Variants in TAGLN2 observed in about 807,000 individuals in gnomAD.
The protein encoded by TAGLN2 is transgelin 2, also known as transgelin-2.
TAGLN2 carries 14 observed loss-of-function variants against 24.9 expected under a neutral mutation model. That is an observed-to-expected ratio of 0.56 (90% CI 0.37 to 0.88). The LOEUF is 0.88. Ranked by LOEUF, TAGLN2 falls within the 40% of genes least tolerant of loss-of-function variation. The pLI is 0.00. For missense variants in TAGLN2, 208 were observed against 258.9 expected (o/e 0.80, Z 1.35); for synonymous variants, 77 against 98.2 (o/e 0.78, Z 1.28).
intron 1 of TAGLN2, among the ~76,000 whole-genome samples, chr1:159,922,613 C>T (rs998521497): frequency 3.3e-5 from 5 of 152,206 alleles, no homozygotes; most frequent in African/African-American, 1.2e-4. Flanking sequence ...CACCAGTAAG[C>T]CCCCTTTCCG....
intron 1 of TAGLN2, chr1:159,923,593 G>T: frequency 9.3e-7 from 1 of 1,079,258 alleles, no homozygotes; most frequent in Non-Finnish European, 1.3e-6. Context: ...TTTGGGACAG[G>T]GAGTGTTCTC....
chr1:159,922,080 A>C (rs1472845935), intron 1 of TAGLN2, among the ~76,000 whole-genome samples: 2 of 152,198 alleles, frequency 1.3e-5, no homozygotes, highest in African/African-American at 4.8e-5. Context: ...TTCAGGGATG[A>C]AGTCACTCCA....
At chr1:159,920,622 T>G in intron 1 of TAGLN2, 85 bp from the exon 2 acceptor site, 2 of 1,511,174 alleles carry the variant, frequency 1.3e-6, no homozygotes, top group Non-Finnish European at 1.8e-6. Context: ...TGCAGGGATA[T>G]ACACCATTTC....
intron 1 of TAGLN2, chr1:159,923,344 C>A: frequency 7.0e-7 from 1 of 1,438,008 alleles, no homozygotes; most frequent in Non-Finnish European, 9.5e-7. Context: ...GAGAACAACC[C>A]TCACCCTCAC....
intron 1 of TAGLN2, among the ~76,000 whole-genome samples, chr1:159,924,843 C>A (rs1021705593): frequency 6.6e-6 from 1 of 152,212 alleles, no homozygotes; most frequent in Non-Finnish European, 1.5e-5. Flanking sequence ...AGCACCCAGA[C>A]CCCCGAGGTC....
At position 159,918,390 on chromosome 1, in the gene TAGLN2, AAGCAAGGCCAGTCC is replaced by A. The variant is rs1557923822; in HGVS notation, c.*396_*409del. On this transcript the variant is annotated 3_prime_UTR_variant, in exon 5 of 5. Transcript: ENST00000368097. Reference sequence around the variant, plus strand: ...AGCTGTGGGAGAAGCATACTTGTAGAAGCAAGGCCAGTCCAGCATCAGAAGGCAGAGGCAGCATC... The same window carrying A: ...AGCTGTGGGAGAAGCATACTTGTAGAAGCATCAGAAGGCAGAGGCAGCATC... 6.1e-6 allele frequency: 1 copy of A among 162,624 alleles called. No homozygotes were observed. The highest frequency in any genetic ancestry group is 2.4e-5 in the African/African-American group (1 of 41,704). 10.1% of individuals were successfully genotyped at this position (162,624 alleles called of 1,614,324 possible). A position where few individuals can be genotyped will look rare whatever the true frequency, so the allele number is the denominator to read the frequency against.
chr1:159,923,117 C>A (rs1409295221), intron 1 of TAGLN2, among the ~76,000 whole-genome samples: 2 of 152,212 alleles, frequency 1.3e-5, no homozygotes, highest in African/African-American at 4.8e-5. Context: ...CTGGGAAGGC[C>A]CACCCTAGGG....
In TAGLN2 at chr1:159,918,586, A is replaced by T; in HGVS notation, c.*214T>A. On this transcript the variant is annotated 3_prime_UTR_variant, in exon 5 of 5. Coordinates refer to ENST00000368097, the MANE Select transcript of TAGLN2 (RefSeq NM_003564.3). ...GGGAAAGGAAGAGGCCAGTTGGTCC[A>T]GTTTTGATGGCTATGGGGAAGGGAA... 1 of 625,212 alleles carries T rather than the reference A, an allele frequency of 1.6e-6. No homozygotes were observed. Among genetic ancestry groups the T allele is most frequent in the Non-Finnish European group, 2.6e-6 (1 of 382,856 alleles). 38.7% of individuals were successfully genotyped at this position (625,212 alleles called of 1,614,324 possible).
intron 1 of TAGLN2, among the ~76,000 whole-genome samples, chr1:159,922,463 T>C (rs957341445): frequency 2.6e-5 from 4 of 151,824 alleles, no homozygotes; most frequent in Middle Eastern, 3.4e-3. Flanking sequence ...CGGGGTGGGG[T>C]GGCTGAGTTC....
chr1:159,920,480 C>G lies in TAGLN2; in HGVS notation c.30G>C (p.Leu10=). ...CAATCTTCTGCTGCACCTCCCGGCT[C>G]AGGCCATATGCAGGTCCCCTGTTGG... MANRGPAYG[L]SREVQQKIEK... Residue 10 remains leucine (L), a synonymous_variant, in exon 2 of 5, where the codon CTG becomes CTC. Transcript: ENST00000368097. The G allele has an allele frequency of 6.2e-7, 1 of 1,614,278 alleles. No individual in the cohort carries two copies. The highest frequency in any genetic ancestry group is 8.5e-7 in the Non-Finnish European group (1 of 1,180,052).
intron 1 of TAGLN2, chr1:159,923,395 A>G: frequency 6.5e-7 from 1 of 1,546,072 alleles, no homozygotes; most frequent in Non-Finnish European, 8.7e-7. Context: ...GGGGCCACGC[A>G]AGGCACTCGG....
rs576676121 is a variant in TAGLN2 at position 159,920,598 on chromosome 1, T to C, written c.-28-61A>G. 1,918 of 1,549,596 alleles carry C rather than the reference T, an allele frequency of 1.2e-3. 5 individuals are homozygous for C. Among genetic ancestry groups the C allele is most frequent in the Non-Finnish European group, 1.5e-3 (1,727 of 1,145,128 alleles). Reference sequence around the variant, plus strand: ...CCTTGCAGCCTGGGGAGTGGGGAATTCAGGAATTCTGCCTGCAGGGATATA... The same window carrying C: ...CCTTGCAGCCTGGGGAGTGGGGAATCCAGGAATTCTGCCTGCAGGGATATA... On this transcript the variant is annotated intron_variant, in intron 1 of 4. Transcript: ENST00000368097.
At chr1:159,922,171 G>A (rs949927381) in intron 1 of TAGLN2, among the ~76,000 whole-genome samples, 8 of 152,122 alleles carry the variant, frequency 5.3e-5, no homozygotes, top group Admixed American at 2.0e-4. Flanking sequence ...GAAATACAAG[G>A]GGACCAGCCT....
At position 159,920,429 on chromosome 1, in the gene TAGLN2, C is replaced by T. The variant is rs140059600; in HGVS notation, c.81G>A (p.Glu27=). The change falls in exon 2 of 5, where the codon GAG becomes GAA. Residue 27 remains glutamate (E), a synonymous_variant. Coordinates refer to ENST00000368097, the MANE Select transcript of TAGLN2 (RefSeq NM_003564.3). ...KIEKQYDADL[E]QILIQWITTQ... is the part of the protein sequence containing the mutation. ...TGGTGATCCACTGGATCAGGATCTG[C>T]TCCAGATCTGCATCATATTGTTTCT... The T allele has an allele frequency of 7.4e-6, 12 of 1,614,140 alleles. No homozygotes were observed. Among genetic ancestry groups the T allele is most frequent in the Non-Finnish European group, 1.0e-5 (12 of 1,180,052 alleles).
At position 159,918,164 on chromosome 1, in the gene TAGLN2, C is replaced by G. The variant is rs952770842; in HGVS notation, c.*636G>C. On this transcript the variant is annotated 3_prime_UTR_variant, in exon 5 of 5. Transcript: ENST00000368097. ...TCAACAAACTCATCTTCCTCAAGCC[C>G]CAGACCATGGTAGGCAGCCCTCCCT... 6.6e-6 allele frequency: 1 copy of G among 152,346 alleles called. No individual in the cohort carries two copies. The highest frequency in any genetic ancestry group is 2.4e-5 in the African/African-American group (1 of 41,456). 9.4% of individuals were successfully genotyped at this position (152,346 alleles called of 1,614,324 possible).
chr1:159,920,840 T>C (rs184455512), intron 1 of TAGLN2, among the ~76,000 whole-genome samples: 11 of 152,324 alleles, frequency 7.2e-5, no homozygotes, highest in Non-Finnish European at 1.5e-4. Context: ...TGGATTTTAA[T>C]TGAGCACCTA....
intron 3 of TAGLN2, 67 bp downstream of exon 3, chr1:159,919,594 G>A: frequency 6.3e-7 from 1 of 1,580,100 alleles, no homozygotes; most frequent in Non-Finnish European, 8.6e-7. Context: ...CTTCTGCCTG[G>A]TCAAGAGGGC....
At position 159,921,097 on chromosome 1, in the gene TAGLN2, C is replaced by A. The variant is rs150409415; in HGVS notation, c.-28-560G>T. On this transcript the variant is annotated intron_variant, in intron 1 of 4. Coordinates refer to ENST00000368097, the MANE Select transcript of TAGLN2 (RefSeq NM_003564.3). The stretch of plus-strand genomic sequence containing the variant: ...CCTTGAGGGATTTCAGCAAACAAAT[C>A]GAATTTCCTATGAAAAACCAGGCAA... Among the ~76,000 whole-genome samples, 10 of 152,316 alleles carry A rather than the reference C, an allele frequency of 6.6e-5. No individual in the cohort carries two copies. In the East Asian group the frequency reaches 1.9e-3, roughly 29 times the overall value.
chr1:159,918,501 G>C lies in TAGLN2; in HGVS notation c.*299C>G, dbSNP rs1650416305. On this transcript the variant is annotated 3_prime_UTR_variant, in exon 5 of 5. Coordinates refer to ENST00000368097, the MANE Select transcript of TAGLN2 (RefSeq NM_003564.3). The stretch of plus-strand genomic sequence containing the variant: ...CAGAACAGGCCAGGGGGAAGAAGGA[G>C]AGACAGAATAGGCCAGGGCATGGCG... The C allele has an allele frequency of 3.0e-6, 1 of 331,864 alleles. No homozygotes were observed. The highest frequency in any genetic ancestry group is 4.5e-5 in the Admixed American group (1 of 22,466). The allele number at this position is 331,864 out of a possible 1,614,324, so 20.6% of individuals were successfully genotyped here.
Sources: gnomAD v4.1 joint callset for allele counts (sites outside exome capture counted in the v4.1 genomes callset) on GRCh38, gnomAD v4.1.1 for gene constraint, MANE v1.5 for transcripts, NCBI Gene and HGNC (gene_info 2026-07-23, HGNC 2026-07-21) for gene names.